Variants in CNTN4 observed in about 807,000 individuals in gnomAD.
CNTN4 encodes contactin-4.
Under a neutral mutation model 122.5 loss-of-function variants are expected in CNTN4, and 77 were observed. That is an observed-to-expected ratio of 0.63 (90% CI 0.52 to 0.76). The LOEUF (loss-of-function observed/expected upper bound fraction) is 0.76. Among genes scored for constraint, CNTN4 ranks in the 30% least tolerant of loss-of-function variants. CNTN4 has a pLI of 0.00. For missense variants in CNTN4, 1,256 were observed against 1,259.1 expected, an observed-to-expected ratio of 1.00 and a Z score of 0.04; for synonymous variants, 512 against 447.0, an observed-to-expected ratio of 1.15 and a Z score of -1.83.
chr3:2,615,475 G>T (rs985623921), intron 4 of CNTN4, among the ~76,000 whole-genome samples: 1 of 152,080 alleles, frequency 6.6e-6, no homozygotes, highest in African/African-American at 2.4e-5. Context: ...AGGGAATTCA[G>T]TGTCTTAAAA....
intron 4 of CNTN4, among the ~76,000 whole-genome samples, chr3:2,656,513 C>G (rs1485251145): frequency 6.6e-6 from 1 of 152,224 alleles, no homozygotes; most frequent in African/African-American, 2.4e-5. Context: ...AAGACAGCAA[C>G]TATGTCTGTT....
intron 3 of CNTN4, among the ~76,000 whole-genome samples, chr3:2,527,705 G>T (rs1010695914): frequency 6.6e-6 from 1 of 152,172 alleles, no homozygotes; most frequent in Non-Finnish European, 1.5e-5. Context: ...AGAAATACCT[G>T]TCTATTATTT....
chr3:2,410,509 A>G lies in CNTN4; in HGVS notation c.-89+71276A>G, dbSNP rs80206994. On this transcript the variant is annotated intron_variant, in intron 3 of 24. Transcript: ENST00000418658. ...GACAATTGTAAAATGGTAATCCTCC[A>G]TTTTATCCTCTCAGAGGATATTTGA... is the stretch of plus-strand genomic sequence containing the variant. Among the ~76,000 whole-genome samples, 594 of 152,244 alleles carry G rather than the reference A, an allele frequency of 3.9e-3. 4 individuals carry two copies. The highest frequency in any genetic ancestry group is 0.014 in the African/African-American group (581 of 41,542).
At chr3:2,383,130 T>A (rs1363504971) in intron 3 of CNTN4, among the ~76,000 whole-genome samples, 2 of 151,678 alleles carry the variant, frequency 1.3e-5, no homozygotes, top group Admixed American at 6.6e-5. Flanking sequence ...GACCTTAATA[T>A]GTCTGACATT....
intron 15 of CNTN4, among the ~76,000 whole-genome samples, chr3:3,030,604 A>G (rs967810151): frequency 6.6e-6 from 1 of 152,192 alleles, no homozygotes; most frequent in Non-Finnish European, 1.5e-5. Flanking sequence ...TCCTTCCGAC[A>G]TGGGTGCCAA....
At chr3:2,388,861 A>G in intron 3 of CNTN4, among the ~76,000 whole-genome samples, 1 of 150,528 alleles carries the variant, frequency 6.6e-6, no homozygotes, top group Non-Finnish European at 1.5e-5. Context: ...AAAACAAACA[A>G]ACAAACGAAA....
chr3:2,498,611 G>A (rs907825642), intron 3 of CNTN4, among the ~76,000 whole-genome samples: 2 of 151,996 alleles, frequency 1.3e-5, no homozygotes, highest in Admixed American at 1.3e-4. Flanking sequence ...CTCCAGAGGA[G>A]CTGGAACTAC....
At chr3:2,290,503 GA>G (rs561791693) in intron 2 of CNTN4, among the ~76,000 whole-genome samples, 256 of 152,276 alleles carry the variant, frequency 1.7e-3, no homozygotes, top group African/African-American at 6.0e-3. Flanking sequence ...GGTGAAGCAA[GA>G]AAGGCTGGAT....
chr3:2,184,430 T>C (rs777300650), intron 2 of CNTN4, among the ~76,000 whole-genome samples: 1 of 152,092 alleles, frequency 6.6e-6, no homozygotes, highest in East Asian at 1.9e-4. Context: ...CACTTGTTGG[T>C]GGAACCAGCT....
At position 2,725,461 on chromosome 3, in the gene CNTN4, C is replaced by T. The variant is rs536859884; in HGVS notation, c.56-10754C>T. On this transcript the variant is annotated intron_variant, in intron 4 of 24. Coordinates refer to ENST00000418658, the MANE Select transcript of CNTN4 (RefSeq NM_175607.3). ...CAAATGCATATTGAAGGCATTAGCA[C>T]TGCTTTTGGTTAACGGTCTTTTCAA... is the stretch of plus-strand genomic sequence containing the variant. Among the ~76,000 whole-genome samples, 4 of 152,312 alleles carry T rather than the reference C, an allele frequency of 2.6e-5. No individual in the cohort carries two copies. In the South Asian group the frequency reaches 6.2e-4, roughly 24 times the overall value.
chr3:2,901,679 T>C (rs1408920409), intron 11 of CNTN4, among the ~76,000 whole-genome samples: 1 of 152,184 alleles, frequency 6.6e-6, no homozygotes, highest in African/African-American at 2.4e-5. Context: ...AGCCAATCAC[T>C]GAGAGAGTGA....
intron 2 of CNTN4, among the ~76,000 whole-genome samples, chr3:2,101,995 A>G (rs755290254): frequency 6.6e-6 from 1 of 152,196 alleles, no homozygotes; most frequent in Non-Finnish European, 1.5e-5. Flanking sequence ...TTCTGTAACA[A>G]ATAGATTAAG....
intron 6 of CNTN4, among the ~76,000 whole-genome samples, chr3:2,815,403 A>C (rs537884664): frequency 6.6e-6 from 1 of 152,220 alleles, no homozygotes; most frequent in Non-Finnish European, 1.5e-5. Flanking sequence ...GAAAAAAATC[A>C]AACAGTCCCA....
At chr3:2,315,274 A>G (rs1325645904) in intron 2 of CNTN4, among the ~76,000 whole-genome samples, 2 of 151,994 alleles carry the variant, frequency 1.3e-5, no homozygotes, top group Non-Finnish European at 2.9e-5. Flanking sequence ...AGAGAAAGTG[A>G]CCAATTGATT....
intron 2 of CNTN4, among the ~76,000 whole-genome samples, chr3:2,252,584 C>G (rs2040420660): frequency 6.6e-6 from 1 of 152,002 alleles, no homozygotes; most frequent in Admixed American, 6.6e-5. Flanking sequence ...TAGACCATCT[C>G]TTTGATTTTG....
chr3:2,558,507 CA>C (rs1236505878), intron 3 of CNTN4, among the ~76,000 whole-genome samples: 1 of 151,916 alleles, frequency 6.6e-6, no homozygotes, highest in Non-Finnish European at 1.5e-5. Flanking sequence ...GCATTGTTGG[CA>C]AAATACCATA....
intron 3 of CNTN4, among the ~76,000 whole-genome samples, chr3:2,533,370 G>A (rs1303353833): frequency 6.6e-6 from 1 of 151,970 alleles, no homozygotes; most frequent in African/African-American, 2.4e-5. Flanking sequence ...ACCTATGAGT[G>A]AGAACATGCA....
chr3:2,433,150 A>G (rs1183467830), intron 3 of CNTN4, among the ~76,000 whole-genome samples: 3 of 152,276 alleles, frequency 2.0e-5, no homozygotes, highest in South Asian at 2.1e-4. Context: ...TACTTTGGAC[A>G]TATACCCAGA....
chr3:2,521,077 A>C, intron 3 of CNTN4, among the ~76,000 whole-genome samples: 1 of 152,180 alleles, frequency 6.6e-6, no homozygotes, highest in African/African-American at 2.4e-5. Flanking sequence ...TATTTTCACT[A>C]CTTCTTCTTG....
Sources: allele counts gnomAD v4.1 joint callset (sites outside exome capture counted in the v4.1 genomes callset), GRCh38; gene constraint gnomAD v4.1.1; transcripts MANE v1.5; gene names NCBI Gene and HGNC (gene_info 2026-07-23, HGNC 2026-07-21).